Variants in DLGAP1 observed in about 807,000 individuals in gnomAD.
The protein encoded by DLGAP1 is disks large-associated protein 1.
In DLGAP1, 11 loss-of-function variants were observed where a neutral mutation model predicts 90.8. That is an observed-to-expected ratio of 0.12 (90% confidence interval 0.08 to 0.20). The LOEUF is 0.20. Among genes scored for constraint, DLGAP1 ranks in the 10% least tolerant of loss-of-function variants. DLGAP1 has a pLI of 1.00. For synonymous variants in DLGAP1, 558 were observed against 540.7 expected (o/e 1.03, Z -0.44); for missense variants, 1,050 against 1,333.8 (o/e 0.79, Z 3.31).
chr18:4,066,338 G>A (rs9965584), intron 2 of DLGAP1, among the ~76,000 whole-genome samples: 65,698 of 151,820 alleles, frequency 0.43, 15,167 homozygotes, highest in African/African-American at 0.59. Context: ...GAGAGCTTCT[G>A]TACAGCAAAA....
intron 5 of DLGAP1, among the ~76,000 whole-genome samples, chr18:3,790,273 CTT>C (rs11449067): frequency 1.9e-4 from 28 of 144,168 alleles, no homozygotes; most frequent in Admixed American, 2.8e-4. Context: ...CTTTTTTTTT[CTT>C]TTTTTTTTTT....
At chr18:3,623,455 T>C (rs931881372) in intron 7 of DLGAP1, among the ~76,000 whole-genome samples, 1 of 152,136 alleles carries the variant, frequency 6.6e-6, no homozygotes, top group Non-Finnish European at 1.5e-5. Flanking sequence ...TAGGTTCTGC[T>C]AATGACAACT....
chr18:3,902,414 C>A (rs140763717), intron 3 of DLGAP1, among the ~76,000 whole-genome samples: 76 of 152,292 alleles, frequency 5.0e-4, no homozygotes, highest in Non-Finnish European at 5.6e-4. Context: ...TGGCCAAAAT[C>A]ATGATGATGC....
chr18:3,513,524 T>G (rs372127049), intron 10 of DLGAP1, among the ~76,000 whole-genome samples: 2 of 152,106 alleles, frequency 1.3e-5, no homozygotes, highest in African/African-American at 4.8e-5. Flanking sequence ...AGTGGGAGAG[T>G]TGGAAGAAAT....
At chr18:3,870,169 T>C (rs1424895629) in intron 4 of DLGAP1, among the ~76,000 whole-genome samples, 1 of 152,216 alleles carries the variant, frequency 6.6e-6, no homozygotes, top group Non-Finnish European at 1.5e-5. Flanking sequence ...CCCATATCTA[T>C]GAAATCGGAA....
At chr18:4,117,403 ATTG>A (rs1258646658) in intron 2 of DLGAP1, among the ~76,000 whole-genome samples, 4 of 152,200 alleles carry the variant, frequency 2.6e-5, no homozygotes, top group Non-Finnish European at 5.9e-5. Flanking sequence ...AACACTGCTT[ATTG>A]ATTGCCCCTC....
chr18:3,932,563 G>T (rs754504988), intron 3 of DLGAP1, among the ~76,000 whole-genome samples: 3 of 152,192 alleles, frequency 2.0e-5, no homozygotes, highest in Non-Finnish European at 4.4e-5. Flanking sequence ...GCCAAAGGGG[G>T]TGTGGCTGAC....
chr18:3,550,866 C>T (rs527639337), intron 9 of DLGAP1, among the ~76,000 whole-genome samples: 8 of 150,982 alleles, frequency 5.3e-5, no homozygotes, highest in East Asian at 2.0e-4. Context: ...CTCAGTCTTC[C>T]GAGTAGCTAG....
chr18:3,574,354 G>C (rs1293426763), intron 8 of DLGAP1, among the ~76,000 whole-genome samples: 1 of 152,172 alleles, frequency 6.6e-6, no homozygotes, highest in Non-Finnish European at 1.5e-5. Flanking sequence ...CATAGGGCTA[G>C]AAATTTTTGT....
chr18:3,755,948 G>C (rs2063701991), intron 5 of DLGAP1, among the ~76,000 whole-genome samples: 2 of 152,130 alleles, frequency 1.3e-5, no homozygotes. Context: ...TTAGAAGATT[G>C]AAAGTAGACA....
chr18:4,249,869 G>A (rs1280927956), intron 1 of DLGAP1, among the ~76,000 whole-genome samples: 1 of 152,298 alleles, frequency 6.6e-6, no homozygotes, highest in East Asian at 1.9e-4. Context: ...GATTATGGGC[G>A]TGAGCCACCA....
intron 5 of DLGAP1, among the ~76,000 whole-genome samples, chr18:3,801,868 A>G (rs973917233): frequency 6.6e-6 from 1 of 152,218 alleles, no homozygotes; most frequent in Non-Finnish European, 1.5e-5. Context: ...ATACATATAT[A>G]CTCATGTAAA....
At chr18:4,248,525 T>C (rs981982964) in intron 1 of DLGAP1, 1 of 152,206 alleles carries the variant, frequency 6.6e-6, no homozygotes. Flanking sequence ...TCTGTTCAAT[T>C]ACTCAAGGGG....
chr18:3,795,881 T>G (rs1341685692), intron 5 of DLGAP1, among the ~76,000 whole-genome samples: 1 of 152,148 alleles, frequency 6.6e-6, no homozygotes, highest in Non-Finnish European at 1.5e-5. Context: ...CAAAAAAATT[T>G]GTTATCCTTG....
chr18:4,241,275 G>C (rs1775349557), intron 1 of DLGAP1, among the ~76,000 whole-genome samples: 1 of 152,134 alleles, frequency 6.6e-6, no homozygotes, highest in South Asian at 2.1e-4. Flanking sequence ...CACTCCTAGA[G>C]TTCTTGATTC....
chr18:3,809,555 T>C (rs2066727475), intron 5 of DLGAP1, among the ~76,000 whole-genome samples: 1 of 152,174 alleles, frequency 6.6e-6, no homozygotes, highest in Admixed American at 6.5e-5. Flanking sequence ...TGCTAGGAGC[T>C]CTGACTGGCT....
chr18:3,659,411 A>C (rs2059606232), intron 7 of DLGAP1, among the ~76,000 whole-genome samples: 1 of 141,068 alleles, frequency 7.1e-6, no homozygotes, highest in African/African-American at 2.8e-5. Context: ...ACACACACAC[A>C]CACACACACA....
chr18:4,162,490 T>C (rs370473691), intron 1 of DLGAP1, among the ~76,000 whole-genome samples: 2 of 152,208 alleles, frequency 1.3e-5, no homozygotes, highest in South Asian at 4.1e-4. Flanking sequence ...ATAAAAATCA[T>C]TGTGTGCACC....
At chr18:3,933,955 T>C (rs553940735) in intron 3 of DLGAP1, among the ~76,000 whole-genome samples, 1 of 152,166 alleles carries the variant, frequency 6.6e-6, no homozygotes, top group African/African-American at 2.4e-5. Flanking sequence ...AGGTGCCGAG[T>C]CTGGGGTCAC....
Sources: gnomAD v4.1 joint callset for allele counts (sites outside exome capture counted in the v4.1 genomes callset) on GRCh38, gnomAD v4.1.1 for gene constraint, MANE v1.5 for transcripts, NCBI Gene and HGNC (gene_info 2026-07-23, HGNC 2026-07-21) for gene names.